ATP8A2: variants seen among roughly 807,000 people sequenced by gnomAD.
ATP8A2 encodes phospholipid-transporting ATPase IB.
ATP8A2 carries 100 observed loss-of-function variants against 165.6 expected under a neutral mutation model. That is an observed-to-expected ratio of 0.60 (90% confidence interval 0.51 to 0.71). The LOEUF is 0.71. ATP8A2 is among the 30% of genes least tolerant of loss of function. The pLI, the probability that ATP8A2 is intolerant of heterozygous loss-of-function variation, is 0.00. For synonymous variants in ATP8A2, 543 were observed against 548.8 expected, an observed-to-expected ratio of 0.99 and a Z score of 0.15; for missense variants, 1,227 against 1,479.5, an observed-to-expected ratio of 0.83 and a Z score of 2.80.
chr13:25,542,381 T>C (rs1429419513), intron 9 of ATP8A2, among the ~76,000 whole-genome samples: 2 of 150,524 alleles, frequency 1.3e-5, no homozygotes, highest in African/African-American at 2.5e-5. Context: ...TGTGTGTATG[T>C]GTATTTTTTT....
chr13:25,641,361 G>A (rs146602144), intron 24 of ATP8A2, among the ~76,000 whole-genome samples: 5,282 of 152,186 alleles, frequency 0.035, 158 homozygotes, highest in East Asian at 0.13. Flanking sequence ...AAACCCCATC[G>A]TTTCAGCCCA....
chr13:25,427,241 G>A (rs1566123909), intron 1 of ATP8A2, among the ~76,000 whole-genome samples: 1 of 151,992 alleles, frequency 6.6e-6, no homozygotes, highest in African/African-American at 2.4e-5. Context: ...GCATTAGACT[G>A]TGCATGTGAG....
intron 16 of ATP8A2, among the ~76,000 whole-genome samples, chr13:25,565,768 A>ATT (rs36050048): frequency 1.5e-4 from 23 of 150,630 alleles, no homozygotes; most frequent in South Asian, 2.1e-4. Context: ...TTTTTATCAC[A>ATT]TTTTTTTTTA....
chr13:25,732,139 C>A (rs1176213400), intron 25 of ATP8A2, among the ~76,000 whole-genome samples: 1 of 152,142 alleles, frequency 6.6e-6, no homozygotes, highest in Admixed American at 6.5e-5. Flanking sequence ...TGAGCTTTTC[C>A]CTGCTTTACT....
chr13:25,781,978 T>C (rs2044892026), intron 27 of ATP8A2, among the ~76,000 whole-genome samples: 1 of 152,202 alleles, frequency 6.6e-6, no homozygotes, highest in Non-Finnish European at 1.5e-5. Context: ...TTATAAATGA[T>C]AAAAGAAGTC....
Position 25,868,703 on chromosome 13 carries a change from G to A in ATP8A2, c.3183+6295G>A, listed in dbSNP as rs142710412. Among the ~76,000 whole-genome samples the A allele has an allele frequency of 2.3e-3, 344 of 152,178 alleles. 2 individuals are homozygous for A. Among genetic ancestry groups the A allele is most frequent in the Middle Eastern group, 0.017 (5 of 294 alleles). ...TTCTGCTGCACCTATGACTGTTGTC[G>A]CCTGCACCCCAGGGTCCCCCATCCG... On this transcript the variant is annotated intron_variant, in intron 33 of 36. Transcript: ENST00000381655.
intron 24 of ATP8A2, among the ~76,000 whole-genome samples, chr13:25,665,688 C>T (rs74041070): frequency 0.051 from 7,643 of 151,190 alleles, 636 homozygotes; most frequent in African/African-American, 0.18. Context: ...TGAATAGGTT[C>T]TGTAACCCAG....
chr13:25,621,003 T>C (rs1352545738), intron 24 of ATP8A2, among the ~76,000 whole-genome samples: 1 of 152,134 alleles, frequency 6.6e-6, no homozygotes, highest in East Asian at 1.9e-4. Context: ...AGTGGGTGAT[T>C]GGGCCTAGGA....
intron 27 of ATP8A2, among the ~76,000 whole-genome samples, chr13:25,785,679 A>G (rs1348177524): frequency 6.6e-6 from 1 of 152,066 alleles, no homozygotes; most frequent in Non-Finnish European, 1.5e-5. Context: ...CTTTCTATTC[A>G]TTTTTCTCTC....
At chr13:25,925,287 CACTT>C (rs1178371627) in intron 33 of ATP8A2, among the ~76,000 whole-genome samples, 1 of 152,176 alleles carries the variant, frequency 6.6e-6, no homozygotes, top group Non-Finnish European at 1.5e-5. Context: ...GTAATCCCAG[CACTT>C]TGGGAGGCCA....
chr13:25,527,289 A>G (rs1256900676), intron 2 of ATP8A2, among the ~76,000 whole-genome samples: 2 of 152,078 alleles, frequency 1.3e-5, no homozygotes, highest in Non-Finnish European at 2.9e-5. Flanking sequence ...CTGCTACTCA[A>G]AGTGTGGTCA....
rs768302798 is a variant in ATP8A2, at chr13:25,953,077, T to C, written c.3184-8498T>C. On this transcript the variant is annotated intron_variant, in intron 33 of 36. Coordinates refer to ENST00000381655, the MANE Select transcript of ATP8A2 (RefSeq NM_016529.6). The surrounding 1 kb of genome is among the most constrained non-coding windows in gnomAD (Gnocchi z 6.7). ...TGGCAATGGCAACTGCAAGGGTTCT[T>C]CCAAATCCGATTGTCCTGACAGGTT... 7.2e-5 allele frequency among the ~76,000 whole-genome samples: 11 copies of C among 152,218 alleles called. No individual in the cohort carries two copies. Among genetic ancestry groups the C allele is most frequent in the Non-Finnish European group, 1.6e-4 (11 of 68,038 alleles).
At chr13:25,866,870 C>T (rs567028460) in intron 33 of ATP8A2, among the ~76,000 whole-genome samples, 35 of 152,148 alleles carry the variant, frequency 2.3e-4, no homozygotes, top group Non-Finnish European at 4.7e-4. Context: ...TGAGTGATTG[C>T]TCATGTTAAG....
At chr13:25,845,789 G>A (rs898591230) in intron 30 of ATP8A2, among the ~76,000 whole-genome samples, 6 of 152,124 alleles carry the variant, frequency 3.9e-5, no homozygotes, top group African/African-American at 1.4e-4. Flanking sequence ...TGAGACTTGC[G>A]TTGTTTCACA....
rs1952296465 is a variant in ATP8A2, at chr13:25,859,957, C to T, written c.2957-238C>T. Among the ~76,000 whole-genome samples, 7 of 149,904 alleles carry T rather than the reference C, an allele frequency of 4.7e-5. No homozygotes were observed. The South Asian group carries it at 1.5e-3, about 31-fold the overall frequency. On this transcript the variant is annotated intron_variant, in intron 30 of 36. Coordinates refer to ENST00000381655, the MANE Select transcript of ATP8A2 (RefSeq NM_016529.6). The stretch of plus-strand genomic sequence containing the variant: ...CAAAAATGTAAATTTCAGTGCAGAT[C>T]AAGCGTTTGGTTGGTTGGTTGGTTG...
At chr13:25,596,827 T>A (rs920658567) in intron 24 of ATP8A2, among the ~76,000 whole-genome samples, 2 of 152,206 alleles carry the variant, frequency 1.3e-5, no homozygotes, top group African/African-American at 4.8e-5. Flanking sequence ...TATGTTTAGC[T>A]TTATAAGAAA....
chr13:25,618,683 CTTT>C (rs60683948), intron 24 of ATP8A2, among the ~76,000 whole-genome samples: 6 of 131,540 alleles, frequency 4.6e-5, no homozygotes, highest in Non-Finnish European at 6.5e-5. Flanking sequence ...GATAGTTAGA[CTTT>C]TTTTTTTTTT....
chr13:25,662,937 G>A (rs976282096), intron 24 of ATP8A2, among the ~76,000 whole-genome samples: 8 of 152,182 alleles, frequency 5.3e-5, no homozygotes, highest in East Asian at 3.8e-4. Flanking sequence ...CGAATGCAAA[G>A]GAAAGGGGTT....
At chr13:25,593,762 T>C (rs1271233841) in intron 24 of ATP8A2, among the ~76,000 whole-genome samples, 1 of 152,186 alleles carries the variant, frequency 6.6e-6, no homozygotes, top group African/African-American at 2.4e-5. Flanking sequence ...TTTTAGCCAA[T>C]TGTGAAATAT....
Sources: allele counts gnomAD v4.1 joint callset (sites outside exome capture counted in the v4.1 genomes callset), GRCh38; gene constraint gnomAD v4.1.1; non-coding constraint Gnocchi (gnomAD v3.1); transcripts MANE v1.5; gene names NCBI Gene and HGNC (gene_info 2026-07-23, HGNC 2026-07-21).